Variants in STK32B observed in about 807,000 individuals in gnomAD.
STK32B encodes the protein serine/threonine-protein kinase 32B.
A neutral mutation model predicts 52.6 loss-of-function variants in STK32B; 43 were observed. That is an observed-to-expected ratio of 0.82 (90% CI 0.64 to 1.05). The LOEUF is 1.05. STK32B is among the 50% of genes least tolerant of loss of function. The probability of loss-of-function intolerance (pLI) is 0.00; values close to 1 mark genes in which losing one functional copy is unlikely to be tolerated. For missense variants in STK32B, 621 were observed against 534.6 expected (o/e 1.16, Z -1.59); for synonymous variants, 238 against 204.3 (o/e 1.17, Z -1.41).
chr4:5,057,192 T>G (rs1313423032), intron 1 of STK32B, among the ~76,000 whole-genome samples: 1 of 152,224 alleles, frequency 6.6e-6, no homozygotes, highest in African/African-American at 2.4e-5. Context: ...CTGGAGCTAT[T>G]GAAAAACAAA....
At chr4:5,112,057 G>A (rs1714434180) in intron 1 of STK32B, among the ~76,000 whole-genome samples, 3 of 152,152 alleles carry the variant, frequency 2.0e-5, no homozygotes, top group African/African-American at 7.2e-5. Context: ...ATGCCCATCA[G>A]TCACCAGGTA....
At chr4:5,059,551 G>A (rs766979156) in intron 1 of STK32B, among the ~76,000 whole-genome samples, 6 of 152,124 alleles carry the variant, frequency 3.9e-5, no homozygotes, top group Non-Finnish European at 5.9e-5. Context: ...CATTCTTGGG[G>A]TAAACACCAC....
At position 5,204,438 on chromosome 4, in the gene STK32B, T is replaced by G. The variant is rs545848116; in HGVS notation, c.260+35988T>G. Among the ~76,000 whole-genome samples, 3 of 139,402 alleles carry G rather than the reference T, an allele frequency of 2.2e-5. No individual in the cohort carries two copies. The Admixed American group carries it at 2.2e-4, about 10-fold the overall frequency. The allele number at this position is 139,402 out of a possible 152,430, so 91.5% of individuals were successfully genotyped here. ...TTTTTGTTTTTTAGGTTTTTTTTGT[T>G]TGTTTTTGTTTTTTAGGTTTTTTTG... On this transcript the variant is annotated intron_variant, in intron 3 of 11. Coordinates refer to ENST00000282908, the MANE Select transcript of STK32B (RefSeq NM_018401.3).
At chr4:5,417,453 G>C (rs1046837676) in intron 6 of STK32B, among the ~76,000 whole-genome samples, 10 of 152,222 alleles carry the variant, frequency 6.6e-5, no homozygotes, top group African/African-American at 2.4e-4. Flanking sequence ...GCATTTGTCA[G>C]TGTCCCTCAA....
intron 3 of STK32B, among the ~76,000 whole-genome samples, chr4:5,176,333 A>T (rs879285064): frequency 4.0e-5 from 6 of 151,866 alleles, no homozygotes; most frequent in Admixed American, 3.9e-4. Context: ...GGCACTCCCC[A>T]GTGAGATGAA....
chr4:5,312,597 C>G (rs1194847524), intron 3 of STK32B, among the ~76,000 whole-genome samples: 2 of 152,018 alleles, frequency 1.3e-5, no homozygotes, highest in East Asian at 3.9e-4. Context: ...TCATCCATGT[C>G]CCTACAAAGG....
At chr4:5,317,360 A>G (rs1731124776) in intron 3 of STK32B, among the ~76,000 whole-genome samples, 1 of 78,754 alleles carries the variant, frequency 1.3e-5, no homozygotes, top group Non-Finnish European at 2.0e-5. Flanking sequence ...TAATATATAT[A>G]ATGTATATGT....
intron 1 of STK32B, among the ~76,000 whole-genome samples, chr4:5,066,688 C>A (rs1371401190): frequency 6.6e-6 from 1 of 152,174 alleles, no homozygotes; most frequent in African/African-American, 2.4e-5. Context: ...TTAGCTATTT[C>A]TTCCTCTTGT....
chr4:5,098,165 C>T (rs569122190), intron 1 of STK32B, among the ~76,000 whole-genome samples: 2 of 152,340 alleles, frequency 1.3e-5, no homozygotes, highest in South Asian at 4.1e-4. Flanking sequence ...TAGACCCCAT[C>T]TCTTGATGTG....
chr4:5,414,616 A>G (rs1036555507), intron 5 of STK32B, among the ~76,000 whole-genome samples: 3 of 152,216 alleles, frequency 2.0e-5, no homozygotes, highest in Admixed American at 6.5e-5. Flanking sequence ...ATTCAAAAGT[A>G]ATTTTTAGAG....
chr4:5,365,665 T>C (rs1175104031), intron 4 of STK32B, among the ~76,000 whole-genome samples: 1 of 152,182 alleles, frequency 6.6e-6, no homozygotes, highest in African/African-American at 2.4e-5. Flanking sequence ...AGAGTTTCTA[T>C]TGAAAGTGGA....
chr4:5,184,806 G>T (rs1040515093), intron 3 of STK32B, among the ~76,000 whole-genome samples: 1 of 152,146 alleles, frequency 6.6e-6, no homozygotes. Context: ...GAGACACAAA[G>T]TGAGCACATG....
intron 3 of STK32B, among the ~76,000 whole-genome samples, chr4:5,262,783 C>T (rs1179012454): frequency 1.3e-5 from 2 of 152,132 alleles, no homozygotes; most frequent in African/African-American, 4.8e-5. Context: ...GCAGGAAAGA[C>T]ACCATTATAA....
At chr4:5,128,019 T>C (rs1414080940) in intron 1 of STK32B, among the ~76,000 whole-genome samples, 2 of 152,196 alleles carry the variant, frequency 1.3e-5, no homozygotes, top group Non-Finnish European at 2.9e-5. Context: ...CATGTGGGAC[T>C]GTGAGTCAGT....
At chr4:5,130,370 G>A (rs1715684417) in intron 1 of STK32B, among the ~76,000 whole-genome samples, 1 of 151,942 alleles carries the variant, frequency 6.6e-6, no homozygotes, top group African/African-American at 2.4e-5. Flanking sequence ...CGGGAGGGGT[G>A]ACTGGGTTCT....
At chr4:5,111,023 C>T (rs952402213) in intron 1 of STK32B, among the ~76,000 whole-genome samples, 1 of 151,800 alleles carries the variant, frequency 6.6e-6, no homozygotes, top group African/African-American at 2.4e-5. Flanking sequence ...TGCTTAACAT[C>T]ACCAATCATC....
chr4:5,387,348 A>T (rs1736326042), intron 4 of STK32B, among the ~76,000 whole-genome samples: 1 of 152,052 alleles, frequency 6.6e-6, no homozygotes. Flanking sequence ...ATTCGATGGA[A>T]CTCAGCACCT....
intron 3 of STK32B, among the ~76,000 whole-genome samples, chr4:5,317,067 T>G (rs1304845891): frequency 2.3e-5 from 1 of 43,712 alleles, no homozygotes; most frequent in Non-Finnish European, 3.1e-5. Flanking sequence ...TATGATATAA[T>G]ATATTATATA....
rs930728434 is a variant in STK32B, at chr4:5,494,811, A to G, written c.1107-4134A>G. Among the ~76,000 whole-genome samples the G allele has an allele frequency of 4.6e-5, 7 of 152,234 alleles. No homozygotes were observed. In the South Asian group the frequency reaches 6.2e-4, roughly 14 times the overall value. ...CTCAGCGTTTGCTTGTCTGTAAAGTATTTTATTTCTCCTTCACTTTTGAAG... is the reference window on the plus strand; with the variant it reads ...CTCAGCGTTTGCTTGTCTGTAAAGTGTTTTATTTCTCCTTCACTTTTGAAG... On this transcript the variant is annotated intron_variant, in intron 11 of 11. Coordinates refer to ENST00000282908, the MANE Select transcript of STK32B (RefSeq NM_018401.3).
Sources: allele counts gnomAD v4.1 joint callset (sites outside exome capture counted in the v4.1 genomes callset), GRCh38; gene constraint gnomAD v4.1.1; transcripts MANE v1.5; gene names NCBI Gene and HGNC (gene_info 2026-07-23, HGNC 2026-07-21).